Variants in NSUN4 observed in about 807,000 individuals in gnomAD.
The protein encoded by NSUN4 is 5-cytosine rRNA methyltransferase NSUN4.
A neutral mutation model predicts 43.8 loss-of-function variants in NSUN4; 31 were observed. The observed-to-expected ratio is 0.71, with a 90% CI of 0.53 to 0.96. NSUN4 has a LOEUF of 0.96. Ranked by LOEUF, NSUN4 falls within the 40% of genes least tolerant of loss-of-function variation. The pLI, the probability that NSUN4 is intolerant of heterozygous loss-of-function variation, is 0.00. For missense variants in NSUN4, 439 were observed against 475.6 expected (o/e 0.92, Z 0.72); for synonymous variants, 167 against 184.1 (o/e 0.91, Z 0.75).
intron 4 of NSUN4, among the ~76,000 whole-genome samples, chr1:46,353,548 C>T (rs1663156308): frequency 6.6e-6 from 1 of 151,938 alleles, no homozygotes; most frequent in Non-Finnish European, 1.5e-5. Flanking sequence ...GCGATCTCTG[C>T]TCACTGCAGC....
At chr1:46,383,249 A>T in the NSUN4 span, among the ~76,000 whole-genome samples, 1 of 152,154 alleles carries the variant, frequency 6.6e-6, no homozygotes, top group East Asian at 1.9e-4. Context: ...GAGGAGGGGC[A>T]GGGGGTGGAC....
chr1:46,350,259 G>A (rs1338131255), intron 3 of NSUN4, among the ~76,000 whole-genome samples: 3 of 152,118 alleles, frequency 2.0e-5, no homozygotes, highest in African/African-American at 7.2e-5. Context: ...GCCGGGGGGC[G>A]GTGACTCACG....
intron 3 of NSUN4, among the ~76,000 whole-genome samples, chr1:46,349,382 C>T (rs962703560): frequency 1.3e-5 from 2 of 152,100 alleles, no homozygotes; most frequent in South Asian, 2.1e-4. Flanking sequence ...CCTCGTGATC[C>T]GCCCACCTTG....
chr1:46,349,194 C>T (rs976009088), intron 3 of NSUN4, among the ~76,000 whole-genome samples: 3 of 149,678 alleles, frequency 2.0e-5, no homozygotes. Context: ...GGCTGGAGTG[C>T]AGTGGCGTGA....
downstream of NSUN4, among the ~76,000 whole-genome samples, chr1:46,367,379 T>C (rs1286618963): frequency 1.3e-5 from 2 of 152,244 alleles, no homozygotes; most frequent in Non-Finnish European, 2.9e-5. Context: ...CATTGTTTCT[T>C]ACTTTCACAG....
chr1:46,369,930 A>G (rs544017746), downstream of NSUN4, among the ~76,000 whole-genome samples: 5 of 152,366 alleles, frequency 3.3e-5, no homozygotes, highest in South Asian at 1.0e-3. Context: ...ATCAGAATTT[A>G]CTGAATGAGG....
intron 4 of NSUN4, among the ~76,000 whole-genome samples, chr1:46,356,686 G>A (rs140810709): frequency 0.03 from 4,170 of 140,822 alleles, 82 homozygotes; most frequent in Non-Finnish European, 0.041. Context: ...GCGAGATTCC[G>A]TCTCAAAAAA....
chr1:46,341,883 C>A, intron 1 of NSUN4: 1 of 1,232,900 alleles, frequency 8.1e-7, no homozygotes, highest in Non-Finnish European at 1.0e-6. Flanking sequence ...CTGTGACCAG[C>A]ACACTAATCT....
intron 1 of NSUN4, chr1:46,341,962 A>G (rs1662142925): frequency 2.4e-6 from 3 of 1,232,598 alleles, no homozygotes; most frequent in Non-Finnish European, 1.0e-6. Context: ...CTTGCTCATC[A>G]GTCCCCGGGA....
chr1:46,341,477 C>T, intron 1 of NSUN4: 1 of 1,022,508 alleles, frequency 9.8e-7, no homozygotes, highest in Admixed American at 5.8e-5. Flanking sequence ...TCCATACTGC[C>T]GGCCCAAACC....
At chr1:46,343,721 G>C in intron 1 of NSUN4, 1 of 400,558 alleles carries the variant, frequency 2.5e-6, no homozygotes, top group Non-Finnish European at 4.4e-6. Context: ...GCCAGAGTGA[G>C]AGTCCCCAAC....
chr1:46,344,430 A>G, intron 1 of NSUN4: 1 of 221,676 alleles, frequency 4.5e-6, no homozygotes, highest in Non-Finnish European at 8.8e-6. Context: ...TCAGAAGAAA[A>G]GGGCCTTTTG....
At chr1:46,361,260 T>C (rs1297904833) in intron 5 of NSUN4, among the ~76,000 whole-genome samples, 2 of 152,164 alleles carry the variant, frequency 1.3e-5, no homozygotes, top group African/African-American at 4.8e-5. Context: ...GAGTAGCACA[T>C]GTTTGAAAAA....
chr1:46,356,561 G>C (rs549908900), intron 4 of NSUN4, among the ~76,000 whole-genome samples: 5 of 152,122 alleles, frequency 3.3e-5, no homozygotes, highest in Non-Finnish European at 5.9e-5. Flanking sequence ...GTGAGATGGC[G>C]GGCGCCTGGA....
the NSUN4 span, among the ~76,000 whole-genome samples, chr1:46,372,686 A>G: frequency 1.3e-5 from 2 of 152,130 alleles, no homozygotes; most frequent in Non-Finnish European, 2.9e-5. Flanking sequence ...CATGGACACA[A>G]TCTATCAAGT....
chr1:46,375,435 CA>C, the NSUN4 span, among the ~76,000 whole-genome samples: 31,435 of 119,548 alleles, frequency 0.26, 3,616 homozygotes, highest in Non-Finnish European at 0.33. Context: ...AACTCGTTCT[CA>C]AAAAAAAAAA....
In NSUN4 at chr1:46,340,838, G is replaced by T. The variant is rs766736198; in HGVS notation, c.12G>T (p.Leu4=). 6.2e-7 allele frequency: 1 copy of T among 1,611,564 alleles called. No homozygotes were observed. The highest frequency in any genetic ancestry group is 1.1e-5 in the South Asian group (1 of 90,870). Residue 4 remains leucine, a synonymous_variant, in exon 1 of 6, where the codon CTG becomes CTT. Transcript: ENST00000474844. MAA[L]TLRGVRELLK... ...TGGAGCACGCCGATATGGCTGCGCT[G>T]ACACTGAGGGGTGTCCGGGAGCTGC...
chr1:46,377,368 A>G, the NSUN4 span, among the ~76,000 whole-genome samples: 3 of 152,146 alleles, frequency 2.0e-5, no homozygotes, highest in Admixed American at 6.5e-5. Context: ...TTAAATAATA[A>G]TAGACTTACC....
chr1:46,351,789 C>T (rs917140322), intron 3 of NSUN4, among the ~76,000 whole-genome samples: 10 of 150,982 alleles, frequency 6.6e-5, no homozygotes, highest in Admixed American at 1.3e-4. Flanking sequence ...CTCAGCCTCC[C>T]GAGTAGCTGG....
Sources: gnomAD v4.1 joint callset for allele counts (sites outside exome capture counted in the v4.1 genomes callset) on GRCh38, gnomAD v4.1.1 for gene constraint, MANE v1.5 for transcripts, NCBI Gene and HGNC (gene_info 2026-07-23, HGNC 2026-07-21) for gene names.